The following XPO6 variants were observed in gnomAD, a reference collection of about 807,000 sequenced individuals.
XPO6 encodes exportin-6.
Under a neutral mutation model 130.0 loss-of-function variants are expected in XPO6, and 3 were observed. That is an observed-to-expected ratio of 0.02 (90% CI 0.01 to 0.06). XPO6 has a LOEUF of 0.06. Among genes scored for constraint, XPO6 ranks in the 10% least tolerant of loss-of-function variants. The pLI, the probability that XPO6 is intolerant of heterozygous loss-of-function variation, is 1.00. For missense variants in XPO6, 970 were observed against 1,393.0 expected (o/e 0.70, Z 4.83); for synonymous variants, 524 against 548.9 (o/e 0.95, Z 0.63).
At chr16:28,186,687 T>TTTTTTTTTTA (rs1441906959) in intron 1 of XPO6, among the ~76,000 whole-genome samples, 1 of 150,968 alleles carries the variant, frequency 6.6e-6, no homozygotes, top group Admixed American at 6.6e-5. Context: ...TTTTTTTTTT[T>TTTTTTTTTTA]AGAGACAGAG....
intron 16 of XPO6, among the ~76,000 whole-genome samples, chr16:28,112,376 C>T (rs576499613): frequency 2.6e-5 from 4 of 152,248 alleles, no homozygotes; most frequent in South Asian, 2.1e-4. Context: ...CAGGAGAATC[C>T]GTGACAATCC....
At chr16:28,117,196 A>G in intron 15 of XPO6, 122 bp downstream of exon 15, 2 of 1,303,936 alleles carry the variant, frequency 1.5e-6, no homozygotes, top group Non-Finnish European at 2.1e-6. Context: ...ACAGATGTAT[A>G]ACAGCAGAAA....
chr16:28,142,850 G>A (rs1426135576), intron 9 of XPO6, among the ~76,000 whole-genome samples: 2 of 152,016 alleles, frequency 1.3e-5, no homozygotes, highest in African/African-American at 2.4e-5. Context: ...GGAACTACAC[G>A]TGCACACTAC....
chr16:28,176,713 T>C (rs2043540559), intron 3 of XPO6, among the ~76,000 whole-genome samples: 2 of 151,528 alleles, frequency 1.3e-5, no homozygotes, highest in South Asian at 4.2e-4. Flanking sequence ...TTTCACCTTA[T>C]TAGCCAGGAT....
rs574144151 is a variant in XPO6, at chr16:28,111,867, T to A, written c.2291A>T (p.Asn764Ile). 2.5e-6 allele frequency: 4 copies of A among 1,614,012 alleles called. No individual in the cohort carries two copies. Among genetic ancestry groups the A allele is most frequent in the African/African-American group, 2.7e-5 (2 of 74,898 alleles). Residue 764 changes from asparagine to isoleucine, a missense_variant, in exon 17 of 24, where the codon AAC (asparagine) becomes ATC (isoleucine). By Grantham distance (149) the Asn-to-Ile change is moderately radical (BLOSUM62 -3). Transcript: ENST00000304658. ...LISALSRDYR[N>I]LKPSAVAPQR... is the part of the protein sequence containing the mutation. ...TGGGGCAACAGCACTGGGCTTCAGGTTGCGATAGTCCCGGGAGAGTGCAGA... is the reference window on the plus strand; with the variant it reads ...TGGGGCAACAGCACTGGGCTTCAGGATGCGATAGTCCCGGGAGAGTGCAGA...
chr16:28,141,744 A>G (rs2042897324), intron 9 of XPO6, among the ~76,000 whole-genome samples: 1 of 152,180 alleles, frequency 6.6e-6, no homozygotes, highest in Admixed American at 6.5e-5. Context: ...GTGGATCATG[A>G]GGTCAGGAGA....
chr16:28,132,342 G>A lies in XPO6; in HGVS notation c.1598C>T (p.Ser533Leu), dbSNP rs1333790119. 6.2e-7 allele frequency: 1 copy of A among 1,606,496 alleles called. No individual in the cohort carries two copies. Among genetic ancestry groups the A allele is most frequent in the Admixed American group, 1.7e-5 (1 of 59,226 alleles). The change falls in exon 12 of 24, where the codon TCA (serine) becomes TTA (leucine). Residue 533 changes from serine to leucine, a missense_variant. Ser to Leu is a moderately radical substitution (Grantham distance 145, BLOSUM62 -2). This residue lies in a region of XPO6 where 936 missense variants were observed against 1,306.8 expected (regional missense o/e 0.72). Transcript: ENST00000304658. The surrounding 1 kb of genome is among the most constrained non-coding windows in gnomAD (Gnocchi z 4.0). ...YLGLQQFIVT[S>L]GSGHRLNITA... is the part of the protein sequence containing the mutation. ...AATAAAAACCAGTTTACCTGACCCT[G>A]AAGTGACTATAAACTGTTGTAATCC... is the stretch of plus-strand genomic sequence containing the variant.
intron 17 of XPO6, chr16:28,111,293 T>C (rs1029941192): frequency 9.2e-5 from 14 of 152,244 alleles, no homozygotes; most frequent in Non-Finnish European, 1.5e-4. Flanking sequence ...GATATTTCCT[T>C]ATTCATTTTT....
chr16:28,113,194 A>G lies in XPO6; in HGVS notation c.2005-144T>C, dbSNP rs145278599. The stretch of plus-strand genomic sequence containing the variant: ...CCTATCTAGCTCAAGAATTTTTCCT[A>G]TGATGACTACAAGAGAAGCCCATCT... On this transcript the variant is annotated intron_variant, in intron 15 of 23. Coordinates refer to ENST00000304658, the MANE Select transcript of XPO6 (RefSeq NM_015171.4). 1.2e-3 allele frequency: 1,220 copies of G among 1,055,232 alleles called. 11 individuals carry two copies. The African/African-American group carries it at 0.018, about 15-fold the overall frequency. 65.4% of individuals were successfully genotyped at this position (1,055,232 alleles called of 1,614,324 possible).
At chr16:28,193,265 G>T (rs1440303797) in intron 1 of XPO6, among the ~76,000 whole-genome samples, 1 of 152,140 alleles carries the variant, frequency 6.6e-6, no homozygotes, top group Non-Finnish European at 1.5e-5. Context: ...TGTTGCCGGG[G>T]TGGCAGCTGC....
chr16:28,180,970 C>A lies in XPO6; in HGVS notation c.65G>T (p.Cys22Phe). 6.2e-7 allele frequency: 1 copy of A among 1,613,632 alleles called. No homozygotes were observed. Among genetic ancestry groups the A allele is most frequent in the Non-Finnish European group, 8.5e-7 (1 of 1,179,854 alleles). ...ESLMTEFFHD[C>F]TTNERKREIE... is the part of the protein sequence containing the mutation. The stretch of plus-strand genomic sequence containing the variant: ...CTCACGTTTTCTTTCATTGGTTGTA[C>A]AATCGTGAAAAAATTCTGTCATCAG... Residue 22 changes from cysteine (C) to phenylalanine (F), a missense_variant, in exon 2 of 24, where the codon TGT becomes TTT. Transcript: ENST00000304658.
intron 12 of XPO6, among the ~76,000 whole-genome samples, chr16:28,127,370 C>T (rs1030061246): frequency 2.6e-5 from 4 of 152,152 alleles, no homozygotes; most frequent in African/African-American, 9.7e-5. Flanking sequence ...GGAGATAAAC[C>T]GATGATTTAC....
chr16:28,116,039 T>C (rs563935835), intron 15 of XPO6, among the ~76,000 whole-genome samples: 3 of 152,388 alleles, frequency 2.0e-5, no homozygotes, highest in South Asian at 4.1e-4. Flanking sequence ...TCCAAACCAC[T>C]GAAACCTTCC....
In XPO6 at chr16:28,125,731, A is replaced by G. The variant is rs1054687636; in HGVS notation, c.1724T>C (p.Val575Ala). The change falls in exon 13 of 24, where the codon GTG (valine) becomes GCG (alanine). Residue 575 changes from valine (V) to alanine (A), a missense_variant. This residue lies in a region of XPO6 where 936 missense variants were observed against 1,306.8 expected (regional missense o/e 0.72). Transcript: ENST00000304658. ...GRLAEYFIGD[V>A]FAARFNDALT... ...GGCATCATTGAACCGTGCAGCAAAC[A>G]CATCCCCGATAAAGTACTCGGCCAG... The G allele has an allele frequency of 1.2e-6, 2 of 1,614,054 alleles. No individual in the cohort carries two copies. Among genetic ancestry groups the G allele is most frequent in the Non-Finnish European group, 1.7e-6 (2 of 1,180,046 alleles).
At chr16:28,209,410 C>A (rs546899442) in intron 1 of XPO6, among the ~76,000 whole-genome samples, 2 of 151,752 alleles carry the variant, frequency 1.3e-5, no homozygotes, top group African/African-American at 4.8e-5. Context: ...GAGGCCGAGG[C>A]GGGTGGATCA....
chr16:28,184,980 A>G (rs757454043), intron 1 of XPO6, among the ~76,000 whole-genome samples: 1 of 152,262 alleles, frequency 6.6e-6, no homozygotes, highest in African/African-American at 2.4e-5. Context: ...AAATGTTCAC[A>G]GCACTATTAT....
intron 15 of XPO6, among the ~76,000 whole-genome samples, chr16:28,116,500 CTTTGGCCTATCCTGGCT>C (rs2087062120): frequency 6.6e-6 from 1 of 151,086 alleles, no homozygotes; most frequent in South Asian, 2.1e-4. Context: ...AAAAAAGAGC[CTTTGGCCTATCCTGGCT>C]TTTGACACGC....
intron 15 of XPO6, among the ~76,000 whole-genome samples, chr16:28,116,085 ACTC>A (rs1225630151): frequency 6.6e-6 from 1 of 151,976 alleles, no homozygotes; most frequent in Non-Finnish European, 1.5e-5. Flanking sequence ...CTTTCTCATC[ACTC>A]ATGTGTTCAC....
intron 8 of XPO6, among the ~76,000 whole-genome samples, chr16:28,146,610 G>C (rs1442711104): frequency 5.3e-5 from 8 of 152,196 alleles, no homozygotes; most frequent in Non-Finnish European, 1.2e-4. Flanking sequence ...CCCAGCCAAT[G>C]CTCTTTCCAT....
Sources: gnomAD v4.1 joint callset for allele counts (sites outside exome capture counted in the v4.1 genomes callset) on GRCh38, gnomAD v4.1.1 for gene constraint, gnomAD v4.1.1 regional missense constraint, Gnocchi (gnomAD v3.1) non-coding constraint, MANE v1.5 for transcripts, NCBI Gene and HGNC (gene_info 2026-07-23, HGNC 2026-07-21) for gene names.